PRH2: variants seen among roughly 807,000 people sequenced by gnomAD.
The protein encoded by PRH2 is proline rich protein HaeIII subfamily 2, also known as salivary acidic proline-rich phosphoprotein 1/2.
Under a neutral mutation model 22.6 loss-of-function variants are expected in PRH2, and 19 were observed. The observed-to-expected ratio is 0.84, with a 90% CI of 0.59 to 1.23. The LOEUF (loss-of-function observed/expected upper bound fraction) is 1.23, where lower values mean the gene tolerates loss of function less well. PRH2 is among the 50% of genes most tolerant of loss of function. The pLI, the probability that PRH2 is intolerant of heterozygous loss-of-function variation, is 0.00. For missense variants in PRH2, 109 were observed against 203.0 expected (o/e 0.54, Z 2.81); for synonymous variants, 45 against 72.0 (o/e 0.63, Z 1.90).
rs941831284 is a variant in PRH2 at position 10,933,126 on chromosome 12, T to C, written c.*919T>C. On this transcript the variant is annotated 3_prime_UTR_variant, in exon 4 of 4. Coordinates refer to ENST00000396400, the MANE Select transcript of PRH2 (RefSeq NM_001110213.1). The stretch of plus-strand genomic sequence containing the variant: ...TAAGGGAAACAGATAATCTTCAGAG[T>C]AATCAGGTAAAGCTTAAACAAGTGT... Among the ~76,000 whole-genome samples, 1 of 152,108 alleles carries C rather than the reference T, an allele frequency of 6.6e-6. No homozygotes were observed. Among genetic ancestry groups the C allele is most frequent in the East Asian group, 1.9e-4 (1 of 5,196 alleles).
In PRH2 at chr12:10,929,266, T is replaced by C. The variant is rs748235713; in HGVS notation, c.-8T>C. The C allele has an allele frequency of 5.5e-5, 89 of 1,614,018 alleles. No homozygotes were observed. The highest frequency in any genetic ancestry group is 2.0e-4 in the Admixed American group (12 of 59,998). On this transcript the variant is annotated 5_prime_UTR_variant, in exon 1 of 4. Coordinates refer to ENST00000396400, the MANE Select transcript of PRH2 (RefSeq NM_001110213.1). ...AAAGTTGGGAGTGACACCAGAGCCTTCTGCAAGATGCTTCTGATTCTGCTG... is the reference window on the plus strand; with the variant it reads ...AAAGTTGGGAGTGACACCAGAGCCTCCTGCAAGATGCTTCTGATTCTGCTG...
At chr12:10,930,052 G>T (rs552093918) in intron 1 of PRH2, among the ~76,000 whole-genome samples, 20 of 152,208 alleles carry the variant, frequency 1.3e-4, no homozygotes, top group African/African-American at 4.6e-4. Flanking sequence ...ACAAACAGGG[G>T]CCCTTCTATG....
Position 10,932,376 on chromosome 12 carries a change from T to G in PRH2, c.*169T>G. 3.9e-6 allele frequency: 1 copy of G among 257,556 alleles called. No homozygotes were observed. Among genetic ancestry groups the G allele is most frequent in the South Asian group, 3.9e-5 (1 of 25,806 alleles). The allele number at this position is 257,556 out of a possible 1,614,324, so 16.0% of individuals were successfully genotyped here. A position where few individuals can be genotyped will look rare whatever the true frequency, so the allele number is the denominator to read the frequency against. On this transcript the variant is annotated 3_prime_UTR_variant, in exon 4 of 4. Transcript: ENST00000396400. ...TTGGGACTCTGGAATCTGAGACCCATGTTCACATTGTAAGAACATCCAGGA... is the reference window on the plus strand; with the variant it reads ...TTGGGACTCTGGAATCTGAGACCCAGGTTCACATTGTAAGAACATCCAGGA...
chr12:10,931,944 C>G (rs899881244), intron 3 of PRH2, among the ~76,000 whole-genome samples: 25 of 152,068 alleles, frequency 1.6e-4, no homozygotes, highest in Middle Eastern at 3.2e-3. Flanking sequence ...TGTTGCAGTC[C>G]CCATCTTTCT....
rs1464528303 is a variant in PRH2 at position 10,934,263 on chromosome 12, C to T, written c.*2056C>T. ...GTATTCTCTTCACCACAAGAGTTTG[C>T]AGCTCTGGCTTTCTTTCTGCTCATC... On this transcript the variant is annotated 3_prime_UTR_variant, in exon 4 of 4. Coordinates refer to ENST00000396400, the MANE Select transcript of PRH2 (RefSeq NM_001110213.1). Among the ~76,000 whole-genome samples the T allele has an allele frequency of 2.0e-5, 3 of 152,120 alleles. No individual in the cohort carries two copies. The highest frequency in any genetic ancestry group is 3.8e-4 in the East Asian group (2 of 5,202).
chr12:10,930,405 A>T, intron 2 of PRH2, 101 bp downstream of exon 2: 1 of 1,510,368 alleles, frequency 6.6e-7, no homozygotes, highest in East Asian at 2.3e-5. Flanking sequence ...GGAATTGGCT[A>T]ATATCAGTGC....
At chr12:10,931,360 T>C (rs1950210754) in intron 3 of PRH2, among the ~76,000 whole-genome samples, 1 of 152,186 alleles carries the variant, frequency 6.6e-6, no homozygotes, top group Non-Finnish European at 1.5e-5. Context: ...TGGCACTCTG[T>C]TTCCTTTCCT....
intron 1 of PRH2, among the ~76,000 whole-genome samples, chr12:10,929,991 T>G (rs913185121): frequency 1.3e-5 from 2 of 152,176 alleles, no homozygotes; most frequent in African/African-American, 4.8e-5. Context: ...ATTGAAATAC[T>G]CAAGAGCCCT....
rs1198991741 is a variant in PRH2 at position 10,930,864 on chromosome 12, C to G, written c.303C>G (p.Pro101=). ...GACCACCCCAACAGGGAGGCCATCC[C>G]CCTCCTCCTCAAGGAAGGCCACAAG... ...PQGPPQQGGH[P]PPPQGRPQGP... is the part of the protein sequence containing the mutation. The change falls in exon 3 of 4, where the codon CCC becomes CCG. Residue 101 remains proline, a synonymous_variant. Transcript: ENST00000396400. 2.5e-6 allele frequency: 4 copies of G among 1,612,964 alleles called. No individual in the cohort carries two copies. The highest frequency in any genetic ancestry group is 1.1e-5 in the South Asian group (1 of 91,000).
rs78355905 is a variant in PRH2, at chr12:10,930,486, C to T, written c.101-176C>T. On this transcript the variant is annotated intron_variant, in intron 2 of 3. Coordinates refer to ENST00000396400, the MANE Select transcript of PRH2 (RefSeq NM_001110213.1). ...ATGAGTAAAGAAATTTGATTTTTCA[C>T]CACCCTAATGTGGATTAAGAGGAGT... Among the ~76,000 whole-genome samples the T allele has an allele frequency of 1.2e-4, 18 of 151,780 alleles. No homozygotes were observed. In the East Asian group the frequency reaches 2.3e-3, roughly 20 times the overall value.
Position 10,934,651 on chromosome 12 carries a change from T to A in PRH2, c.*2444T>A, listed in dbSNP as rs2135876631. On this transcript the variant is annotated 3_prime_UTR_variant, in exon 4 of 4. Transcript: ENST00000396400. The stretch of plus-strand genomic sequence containing the variant: ...AAAAACTATAGGCTCAATATGAAAG[T>A]AGAAAGCACTAAGGTGTACTAATGA... Among the ~76,000 whole-genome samples, 1 of 152,070 alleles carries A rather than the reference T, an allele frequency of 6.6e-6. No individual in the cohort carries two copies. Among genetic ancestry groups the A allele is most frequent in the Middle Eastern group, 3.4e-3 (1 of 294 alleles).
Position 10,929,270 on chromosome 12 carries a change from C to T in PRH2, c.-4C>T. 6.2e-7 allele frequency: 1 copy of T among 1,614,182 alleles called. No individual in the cohort carries two copies. The highest frequency in any genetic ancestry group is 8.5e-7 in the Non-Finnish European group (1 of 1,180,030). On this transcript the variant is annotated 5_prime_UTR_variant, in exon 1 of 4. Coordinates refer to ENST00000396400, the MANE Select transcript of PRH2 (RefSeq NM_001110213.1). ...TTGGGAGTGACACCAGAGCCTTCTG[C>T]AAGATGCTTCTGATTCTGCTGTCAG...
intron 3 of PRH2, among the ~76,000 whole-genome samples, chr12:10,931,533 A>G (rs1260344102): frequency 6.6e-6 from 1 of 152,192 alleles, no homozygotes; most frequent in Non-Finnish European, 1.5e-5. Context: ...AACACATTTC[A>G]CATTTAAAGT....
chr12:10,933,686 A>G lies in PRH2; in HGVS notation c.*1479A>G, dbSNP rs1950245791. 3.9e-5 allele frequency among the ~76,000 whole-genome samples: 6 copies of G among 152,228 alleles called. No individual in the cohort carries two copies. The South Asian group carries it at 1.2e-3, about 32-fold the overall frequency. On this transcript the variant is annotated 3_prime_UTR_variant, in exon 4 of 4. Coordinates refer to ENST00000396400, the MANE Select transcript of PRH2 (RefSeq NM_001110213.1). ...TTTTAAAAAACAATTCTTGTAAAATACTTTTTTGATTAGCCTTCTGACCAT... is the reference window on the plus strand; with the variant it reads ...TTTTAAAAAACAATTCTTGTAAAATGCTTTTTTGATTAGCCTTCTGACCAT...
rs763525143 is a variant in PRH2 at position 10,930,307 on chromosome 12, A to G, written c.100+3A>G. 16 of 1,610,562 alleles carry G rather than the reference A, an allele frequency of 9.9e-6. No individual in the cohort carries two copies. The highest frequency in any genetic ancestry group is 1.3e-5 in the African/African-American group (1 of 74,940). The stretch of plus-strand genomic sequence containing the variant: ...AGACGTTCCCTTGGTAATATCAGGT[A>G]AATCCCAATAAATTCTCAGTAAACT... On this transcript the variant is annotated splice_donor_region_variant and intron_variant, in intron 2 of 3. Transcript: ENST00000396400.
At position 10,933,140 on chromosome 12, in the gene PRH2, T is replaced by C. The variant is rs16925785; in HGVS notation, c.*933T>C. Among the ~76,000 whole-genome samples, 2,989 of 152,202 alleles carry C rather than the reference T, an allele frequency of 0.02. 35 individuals carry two copies. The highest frequency in any genetic ancestry group is 0.031 in the South Asian group (150 of 4,822). ...AATCTTCAGAGTAATCAGGTAAAGC[T>C]TAAACAAGTGTTTTAAAAGATGAGT... On this transcript the variant is annotated 3_prime_UTR_variant, in exon 4 of 4. Transcript: ENST00000396400.
In PRH2 at chr12:10,932,586, C is replaced by A. The variant is rs570705258; in HGVS notation, c.*379C>A. Among the ~76,000 whole-genome samples the A allele has an allele frequency of 3.3e-5, 5 of 152,200 alleles. No individual in the cohort carries two copies. The highest frequency in any genetic ancestry group is 1.3e-4 in the Admixed American group (2 of 15,278). ...GCTTATGAATGTAAGCAAAACAGGACCAATGAAAGAAAGTCCCAGAAGCTG... is the reference window on the plus strand; with the variant it reads ...GCTTATGAATGTAAGCAAAACAGGAACAATGAAAGAAAGTCCCAGAAGCTG... On this transcript the variant is annotated 3_prime_UTR_variant, in exon 4 of 4. Transcript: ENST00000396400.
At chr12:10,930,564 A>G in intron 2 of PRH2, 98 bp from the exon 3 acceptor site, 1 of 1,565,444 alleles carries the variant, frequency 6.4e-7, no homozygotes, top group Non-Finnish European at 8.6e-7. Context: ...GAGGCAGGTC[A>G]GGGAGAGAGG....
At position 10,932,678 on chromosome 12, in the gene PRH2, C is replaced by T. The variant is rs566930941; in HGVS notation, c.*471C>T. ...CTAGGAAAGTGAGTATGGTTCTATG[C>T]CTGTATTCCCCAGAAGCCACTAGAC... On this transcript the variant is annotated 3_prime_UTR_variant, in exon 4 of 4. Transcript: ENST00000396400. 9.9e-5 allele frequency among the ~76,000 whole-genome samples: 15 copies of T among 152,170 alleles called. No individual in the cohort carries two copies. The highest frequency in any genetic ancestry group is 4.1e-4 in the South Asian group (2 of 4,822).
Sources: allele counts gnomAD v4.1 joint callset (sites outside exome capture counted in the v4.1 genomes callset), GRCh38; gene constraint gnomAD v4.1.1; transcripts MANE v1.5; gene names NCBI Gene and HGNC (gene_info 2026-07-23, HGNC 2026-07-21).